PRDX1: variants seen among roughly 807,000 people sequenced by gnomAD.
PRDX1 encodes the protein peroxiredoxin 1, also known as peroxiredoxin-1.
Under a neutral mutation model 20.7 loss-of-function variants are expected in PRDX1, and 19 were observed. The observed-to-expected ratio is 0.92, with a 90% CI of 0.64 to 1.35. The LOEUF is 1.35. Among genes scored for constraint, PRDX1 ranks in the 40% most tolerant of loss-of-function variants. The pLI, the probability that PRDX1 is intolerant of heterozygous loss-of-function variation, is 0.00. For synonymous variants in PRDX1, 89 were observed against 83.9 expected (o/e 1.06, Z -0.33); for missense variants, 226 against 240.0 (o/e 0.94, Z 0.38).
intron 5 of PRDX1, 112 bp from the exon 6 acceptor site, chr1:45,511,526 C>G (rs920104706): frequency 6.5e-6 from 5 of 773,772 alleles, no homozygotes; most frequent in Non-Finnish European, 8.4e-6. Flanking sequence ...GGAAACCTAC[C>G]CCTGCAATCA....
intron 2 of PRDX1, among the ~76,000 whole-genome samples, chr1:45,516,593 C>A (rs1643864000): frequency 6.6e-6 from 1 of 152,186 alleles, no homozygotes; most frequent in Admixed American, 6.5e-5. Context: ...CTGGGATTAA[C>A]CACTGAAATA....
At chr1:45,515,066 T>C in intron 3 of PRDX1, 71 bp from the exon 4 acceptor site, 5 of 1,560,120 alleles carry the variant, frequency 3.2e-6, no homozygotes, top group African/African-American at 2.8e-5. Flanking sequence ...TCTTTCCCCT[T>C]TCCCATATTC....
chr1:45,512,167 CCTCGGT>C (rs1292102426), intron 5 of PRDX1: 1 of 142,816 alleles, frequency 7.0e-6, no homozygotes, highest in Non-Finnish European at 1.5e-5. Context: ...CTCACTGCAA[CCTCGGT>C]CTCCCGGGTT....
At chr1:45,520,423 G>T (rs1051608746) in intron 1 of PRDX1, among the ~76,000 whole-genome samples, 1 of 152,000 alleles carries the variant, frequency 6.6e-6, no homozygotes, top group Non-Finnish European at 1.5e-5. Context: ...TCAACACCAA[G>T]ATTAGTATTG....
At chr1:45,522,556 C>T (rs1257599927), upstream of PRDX1, among the ~76,000 whole-genome samples, 1 of 152,132 alleles carries the variant, frequency 6.6e-6, no homozygotes, top group African/African-American at 2.4e-5. Context: ...CAGACCCACA[C>T]GGTAAGGCAA....
chr1:45,519,902 G>A (rs941836704), intron 1 of PRDX1, among the ~76,000 whole-genome samples: 2 of 152,144 alleles, frequency 1.3e-5, no homozygotes, highest in Non-Finnish European at 2.9e-5. Flanking sequence ...CTTCCAGTCA[G>A]TCCAACTTTT....
At chr1:45,516,304 G>C (rs1643862130) in intron 2 of PRDX1, among the ~76,000 whole-genome samples, 1 of 152,240 alleles carries the variant, frequency 6.6e-6, no homozygotes, top group African/African-American at 2.4e-5. Context: ...GTGATCACAT[G>C]TGTTCCTAAC....
At chr1:45,512,877 GATCCCTATATA>G (rs1643780784) in intron 5 of PRDX1, 1 of 152,182 alleles carries the variant, frequency 6.6e-6, no homozygotes, top group Non-Finnish European at 1.5e-5. Context: ...AGTGCTCACT[GATCCCTATATA>G]ATCAGACTCT....
At chr1:45,519,138 G>A in intron 1 of PRDX1, 84 bp from the exon 2 acceptor site, 3 of 934,148 alleles carry the variant, frequency 3.2e-6, no homozygotes, top group Non-Finnish European at 4.9e-6. Flanking sequence ...AGACTTAGCT[G>A]TAAACAATCA....
At chr1:45,516,886 C>T (rs1440645292) in intron 2 of PRDX1, among the ~76,000 whole-genome samples, 1 of 151,772 alleles carries the variant, frequency 6.6e-6, no homozygotes, top group East Asian at 1.9e-4. Flanking sequence ...CTGGGTGTGA[C>T]AGCGGGGGCC....
At chr1:45,522,165 G>A (rs1643921281), upstream of PRDX1, among the ~76,000 whole-genome samples, 1 of 152,182 alleles carries the variant, frequency 6.6e-6, no homozygotes, top group South Asian at 2.1e-4. Context: ...CGGAAAACCA[G>A]GATTCTCTTT....
intron 2 of PRDX1, among the ~76,000 whole-genome samples, chr1:45,517,358 C>T (rs904782477): frequency 6.6e-6 from 1 of 152,184 alleles, no homozygotes. Flanking sequence ...GGACACTTGA[C>T]ACCTGAGTTT....
intron 2 of PRDX1, among the ~76,000 whole-genome samples, chr1:45,517,159 T>C (rs1643869004): frequency 6.6e-6 from 1 of 152,114 alleles, no homozygotes; most frequent in Admixed American, 6.6e-5. Context: ...GGTCAAGCTC[T>C]GGAGGGCAGA....
At chr1:45,516,662 G>C (rs1643864446) in intron 2 of PRDX1, among the ~76,000 whole-genome samples, 1 of 152,046 alleles carries the variant, frequency 6.6e-6, no homozygotes, top group Admixed American at 6.6e-5. Flanking sequence ...TTAAATACTA[G>C]AACAATTCCA....
At chr1:45,520,602 C>A (rs1007736799) in intron 1 of PRDX1, among the ~76,000 whole-genome samples, 4 of 150,658 alleles carry the variant, frequency 2.7e-5, no homozygotes, top group Non-Finnish European at 5.9e-5. Flanking sequence ...CACGCGCCTG[C>A]AGTCCCAGCT....
At position 45,519,027 on chromosome 1, in the gene PRDX1, G is replaced by A; in HGVS notation, c.17C>T (p.Ala6Val). 1.3e-6 allele frequency: 2 copies of A among 1,595,048 alleles called. No homozygotes were observed. The highest frequency in any genetic ancestry group is 1.7e-6 in the Non-Finnish European group (2 of 1,173,566). The part of the protein sequence containing the change: MSSGN[A>V]KIGHPAPNFK... ...GTTGGGGGCAGGGTGCCCAATTTTA[G>A]CATTTCCTGAAGACATCTTCCTATC... The change falls in exon 2 of 6, where the codon GCT becomes GTT. Residue 6 changes from alanine to valine, a missense_variant. By Grantham distance (64) the Ala-to-Val change is moderately conservative. Transcript: ENST00000319248.
In PRDX1 at chr1:45,511,427, G is replaced by A. The variant is rs781427742; in HGVS notation, c.515-13C>T. ...CCAGCTGGGCACACTGCAAGAGAAA[G>A]GCACCACTAATTAATAACCTTCTCA... On this transcript the variant is annotated splice_polypyrimidine_tract_variant and intron_variant, in intron 5 of 5. Transcript: ENST00000319248. The A allele has an allele frequency of 1.2e-6, 2 of 1,607,390 alleles. No homozygotes were observed. The highest frequency in any genetic ancestry group is 4.5e-5 in the East Asian group (2 of 44,782).
intron 5 of PRDX1, among the ~76,000 whole-genome samples, chr1:45,513,791 A>G (rs1371159027): frequency 6.6e-6 from 1 of 152,182 alleles, no homozygotes; most frequent in African/African-American, 2.4e-5. Flanking sequence ...GTATCCGGGG[A>G]CACAAACACT....
rs1570845389 is a variant in PRDX1, at chr1:45,514,570, G to C, written c.451C>G (p.Arg151Gly). The change falls in exon 5 of 6, where the codon CGC (arginine) becomes GGC (glycine). Residue 151 changes from arginine (R) to glycine (G), a missense_variant. By Grantham distance (125) the Arg-to-Gly change is moderately radical (BLOSUM62 -2). Coordinates refer to ENST00000319248, the MANE Select transcript of PRDX1 (RefSeq NM_181697.3). ...AGTCTCAAAGTCTCATCCACAGAGC[G>C]GCCAACAGGGAGGTCATTTACAGTG... ...QITVNDLPVG[R>G]SVDETLRLVQ... is the part of the protein sequence containing the mutation. 1 of 1,613,622 alleles carries C rather than the reference G, an allele frequency of 6.2e-7. No individual in the cohort carries two copies. Among genetic ancestry groups the C allele is most frequent in the African/African-American group, 1.3e-5 (1 of 74,908 alleles).
Sources: allele counts gnomAD v4.1 joint callset (sites outside exome capture counted in the v4.1 genomes callset), GRCh38; gene constraint gnomAD v4.1.1; transcripts MANE v1.5; gene names NCBI Gene and HGNC (gene_info 2026-07-23, HGNC 2026-07-21).